The following STAG1 variants were observed in gnomAD, a reference collection of about 807,000 sequenced individuals.
The protein encoded by STAG1 is cohesin subunit SA-1.
A neutral mutation model predicts 170.9 loss-of-function variants in STAG1; 26 were observed. The ratio of observed to expected loss-of-function variants is 0.15; its 90% CI spans 0.11 to 0.21. The LOEUF is 0.21. STAG1 is among the 10% of genes least tolerant of loss of function. The pLI, the probability that STAG1 is intolerant of heterozygous loss-of-function variation, is 1.00. For synonymous variants in STAG1, 514 were observed against 497.7 expected (o/e 1.03, Z -0.44); for missense variants, 964 against 1,509.5 (o/e 0.64, Z 5.99).
chr3:136,458,191 C>T lies in STAG1; in HGVS notation c.1314-6044G>A, dbSNP rs563321188. ...TTTTGTTTTGAGAGTGAGTCTTGCT[C>T]TGTCACCTAGGCTGGAGTGCAGTGG... On this transcript the variant is annotated intron_variant, in intron 13 of 33. Coordinates refer to ENST00000383202, the MANE Select transcript of STAG1 (RefSeq NM_005862.3). 6.6e-5 allele frequency among the ~76,000 whole-genome samples: 10 copies of T among 152,120 alleles called. No individual in the cohort carries two copies. The East Asian group carries it at 1.9e-3, about 29-fold the overall frequency.
Position 136,357,794 on chromosome 3 carries a change from TG to T in STAG1, c.2990del (p.Pro997HisfsTer11). The stretch of plus-strand genomic sequence containing the variant: ...CTTCAAGAAAAGCCAGATTAGGAGG[TG>T]GATACTCTTGTCCTTTCTGATTTTG... ...KYQNQKGQEY[P>X]PPNLAFLEVL... On this transcript the variant is annotated frameshift_variant, in exon 28 of 34. Coordinates refer to ENST00000383202, the MANE Select transcript of STAG1 (RefSeq NM_005862.3). LOFTEE classifies it high-confidence loss of function. 6.2e-7 allele frequency: 1 copy of T among 1,605,042 alleles called. No homozygotes were observed. Among genetic ancestry groups the T allele is most frequent in the Admixed American group, 1.7e-5 (1 of 57,654 alleles).
intron 23 of STAG1, among the ~76,000 whole-genome samples, chr3:136,372,834 C>G (rs1278434132): frequency 6.6e-6 from 1 of 152,116 alleles, no homozygotes; most frequent in Non-Finnish European, 1.5e-5. Context: ...CTCCGCCAGG[C>G]TTTGGTATCA....
intron 7 of STAG1, among the ~76,000 whole-genome samples, chr3:136,515,027 T>C (rs957137085): frequency 6.6e-5 from 10 of 152,120 alleles, no homozygotes; most frequent in Admixed American, 3.9e-4. Context: ...AACCTGCACA[T>C]TGTGCACATG....
At chr3:136,746,779 C>T (rs1232568444) in intron 1 of STAG1, among the ~76,000 whole-genome samples, 1 of 151,788 alleles carries the variant, frequency 6.6e-6, no homozygotes, top group Non-Finnish European at 1.5e-5. Flanking sequence ...GGTGCTGAAA[C>T]CCCGTCTCTA....
chr3:136,499,943 A>C, intron 9 of STAG1: 1 of 217,562 alleles, frequency 4.6e-6, no homozygotes, highest in South Asian at 8.5e-5. Context: ...AAGCTACATT[A>C]GTTTATGATC....
intron 1 of STAG1, among the ~76,000 whole-genome samples, chr3:136,723,627 CG>C (rs1041623951): frequency 8.2e-5 from 12 of 147,230 alleles, no homozygotes; most frequent in Non-Finnish European, 1.4e-4. Context: ...GCCCCCTGCC[CG>C]GCCAGCCGCC....
At chr3:136,369,086 A>C in intron 24 of STAG1, 22 bp downstream of exon 24, 1 of 1,462,542 alleles carries the variant, frequency 6.8e-7, no homozygotes, top group Non-Finnish European at 9.0e-7. Flanking sequence ...ATCAATATTG[A>C]CAAGATGATA....
intron 3 of STAG1, among the ~76,000 whole-genome samples, chr3:136,612,427 A>G (rs1016305393): frequency 5.3e-5 from 8 of 152,168 alleles, no homozygotes; most frequent in African/African-American, 1.9e-4. Context: ...GAAACAAAGC[A>G]AGACTCCTTC....
chr3:136,433,674 A>G lies in STAG1; in HGVS notation c.1547-15T>C. 1 of 1,556,612 alleles carries G rather than the reference A, an allele frequency of 6.4e-7. No homozygotes were observed. The highest frequency in any genetic ancestry group is 1.1e-5 in the South Asian group (1 of 89,088). On this transcript the variant is annotated splice_polypyrimidine_tract_variant and intron_variant, in intron 15 of 33. Transcript: ENST00000383202. ...ATCAGACATTGCTAAGGTAAAACAA[A>G]ATACATGAGCATGAGTAGACAGTTT...
intron 7 of STAG1, among the ~76,000 whole-genome samples, chr3:136,507,463 T>TC (rs772681376): frequency 8.5e-5 from 13 of 152,090 alleles, no homozygotes; most frequent in Non-Finnish European, 1.6e-4. Context: ...CCCACCAGGC[T>TC]CAAGTGATCC....
intron 5 of STAG1, among the ~76,000 whole-genome samples, chr3:136,562,881 C>G (rs776034191): frequency 2.0e-5 from 3 of 152,208 alleles, no homozygotes; most frequent in Non-Finnish European, 4.4e-5. Flanking sequence ...AGTCACGACG[C>G]CCAGCATTTC....
At chr3:136,513,192 T>A (rs545960215) in intron 7 of STAG1, among the ~76,000 whole-genome samples, 3 of 151,880 alleles carry the variant, frequency 2.0e-5, no homozygotes, top group East Asian at 3.9e-4. Context: ...ACATCTCTAC[T>A]AAAAATGCAA....
chr3:136,585,874 CT>C (rs1937792636), intron 4 of STAG1, among the ~76,000 whole-genome samples: 1 of 152,058 alleles, frequency 6.6e-6, no homozygotes, highest in Non-Finnish European at 1.5e-5. Flanking sequence ...TGTGAATTAG[CT>C]TTTTGCAAGG....
intron 4 of STAG1, among the ~76,000 whole-genome samples, chr3:136,575,840 A>T (rs1937437249): frequency 6.6e-6 from 1 of 152,220 alleles, no homozygotes; most frequent in African/African-American, 2.4e-5. Flanking sequence ...ACAGGCAAGA[A>T]CTTGTTAGCT....
At chr3:136,403,259 G>A (rs200022147) in intron 21 of STAG1, among the ~76,000 whole-genome samples, 4,257 of 73,948 alleles carry the variant, frequency 0.058, no homozygotes, top group Middle Eastern at 0.18. Flanking sequence ...AAAAAGAAAA[G>A]AAAAGAAAAA....
chr3:136,674,472 A>G (rs1485272499), intron 1 of STAG1, among the ~76,000 whole-genome samples: 1 of 152,220 alleles, frequency 6.6e-6, no homozygotes. Context: ...TGATAGAAGC[A>G]GAACTGTGGT....
chr3:136,687,224 G>C (rs886204626), intron 1 of STAG1, among the ~76,000 whole-genome samples: 2 of 152,168 alleles, frequency 1.3e-5, no homozygotes, highest in Non-Finnish European at 2.9e-5. Flanking sequence ...TATCTTGATA[G>C]AGCACAACAG....
chr3:136,373,263 T>C (rs1020796485), intron 23 of STAG1, among the ~76,000 whole-genome samples: 7 of 152,090 alleles, frequency 4.6e-5, no homozygotes, highest in Admixed American at 3.3e-4. Context: ...GTCTTGCTAG[T>C]GGTCTATCAA....
At position 136,565,863 on chromosome 3, in the gene STAG1, A is replaced by G. The variant is rs551422454; in HGVS notation, c.394+2902T>C. Among the ~76,000 whole-genome samples, 3 of 152,214 alleles carry G rather than the reference A, an allele frequency of 2.0e-5. No homozygotes were observed. The South Asian group carries it at 6.2e-4, about 32-fold the overall frequency. ...TATTCAGCCCTAAACGAAATGAACT[A>G]CTGATGCATGCTACAACTTAAATGA... On this transcript the variant is annotated intron_variant, in intron 5 of 33. Transcript: ENST00000383202.
Sources: gnomAD v4.1 joint callset for allele counts (sites outside exome capture counted in the v4.1 genomes callset) on GRCh38, gnomAD v4.1.1 for gene constraint, MANE v1.5 for transcripts, NCBI Gene and HGNC (gene_info 2026-07-23, HGNC 2026-07-21) for gene names.